Variants in ATG7 observed in about 807,000 individuals in gnomAD.
ATG7 encodes autophagy related 7.
ATG7 carries 70 observed loss-of-function variants against 82.4 expected under a neutral mutation model. That is an observed-to-expected ratio of 0.85 (90% confidence interval 0.70 to 1.04). The LOEUF (loss-of-function observed/expected upper bound fraction) is 1.04. ATG7 is among the 50% of genes least tolerant of loss of function. ATG7 has a pLI of 0.00. For synonymous variants in ATG7, 287 were observed against 313.0 expected, an observed-to-expected ratio of 0.92 and a Z score of 0.88; for missense variants, 792 against 864.3, an observed-to-expected ratio of 0.92 and a Z score of 1.05.
intron 2 of ATG7, 136 bp downstream of exon 2, chr3:11,281,238 A>C (rs1165771956): frequency 6.6e-6 from 1 of 152,260 alleles, no homozygotes; most frequent in Non-Finnish European, 1.5e-5. Flanking sequence ...GGTTCCATTT[A>C]TATCATAGGT....
intron 19 of ATG7, among the ~76,000 whole-genome samples, chr3:11,389,837 A>T (rs531030444): frequency 6.6e-6 from 1 of 152,280 alleles, no homozygotes; most frequent in South Asian, 2.1e-4. Flanking sequence ...TTGACTCTGG[A>T]TTCACTGAAG....
At chr3:11,387,744 G>A (rs1015026563) in intron 19 of ATG7, among the ~76,000 whole-genome samples, 2 of 152,176 alleles carry the variant, frequency 1.3e-5, no homozygotes, top group African/African-American at 4.8e-5. Context: ...GCTGAGGCAG[G>A]CGGATCACGA....
chr3:11,330,699 G>A (rs1951523142), intron 9 of ATG7, among the ~76,000 whole-genome samples: 1 of 152,266 alleles, frequency 6.6e-6, no homozygotes. Flanking sequence ...GACAGAAAAT[G>A]AAAAATGTTA....
At chr3:11,307,832 G>C (rs976376032) in intron 6 of ATG7, among the ~76,000 whole-genome samples, 5 of 152,192 alleles carry the variant, frequency 3.3e-5, no homozygotes, top group African/African-American at 1.2e-4. Context: ...TGGGTGCAGT[G>C]GTCAGGTCCT....
chr3:11,454,074 C>T (rs1190877938), intron 20 of ATG7, among the ~76,000 whole-genome samples: 1 of 152,194 alleles, frequency 6.6e-6, no homozygotes, highest in African/African-American at 2.4e-5. Flanking sequence ...GTCTGGCTAG[C>T]AGGTCTGACC....
intron 9 of ATG7, among the ~76,000 whole-genome samples, chr3:11,321,825 T>C (rs1272634088): frequency 6.6e-6 from 1 of 152,208 alleles, no homozygotes; most frequent in African/African-American, 2.4e-5. Flanking sequence ...CACTATATTT[T>C]CTTAGAATGT....
chr3:11,320,172 C>T (rs1374085239), intron 9 of ATG7, among the ~76,000 whole-genome samples: 1 of 152,202 alleles, frequency 6.6e-6, no homozygotes, highest in African/African-American at 2.4e-5. Flanking sequence ...CCCCTCCCTC[C>T]CCCTACCTCC....
intron 5 of ATG7, among the ~76,000 whole-genome samples, chr3:11,304,898 C>T (rs986083899): frequency 6.6e-6 from 1 of 152,050 alleles, no homozygotes; most frequent in Non-Finnish European, 1.5e-5. Flanking sequence ...TAAAGGGGTA[C>T]GATTCAGTGG....
chr3:11,321,075 G>A (rs535809479), intron 9 of ATG7, among the ~76,000 whole-genome samples: 3 of 152,318 alleles, frequency 2.0e-5, no homozygotes, highest in South Asian at 2.1e-4. Flanking sequence ...GTGCAGATGC[G>A]TAATGTCTGG....
At chr3:11,442,539 T>C (rs1244353547) in intron 20 of ATG7, among the ~76,000 whole-genome samples, 1 of 151,964 alleles carries the variant, frequency 6.6e-6, no homozygotes. Flanking sequence ...TAATGTGTAT[T>C]AAATGGATAT....
chr3:11,417,371 G>A (rs775884021), intron 19 of ATG7, among the ~76,000 whole-genome samples: 5 of 152,082 alleles, frequency 3.3e-5, no homozygotes, highest in South Asian at 2.1e-4. Context: ...AAGTACATAC[G>A]CATTAAGAAC....
At chr3:11,394,114 C>G (rs932559341) in intron 19 of ATG7, among the ~76,000 whole-genome samples, 1 of 152,300 alleles carries the variant, frequency 6.6e-6, no homozygotes, top group Non-Finnish European at 1.5e-5. Context: ...ATTACAGGAA[C>G]TATAACTTGA....
chr3:11,302,581 G>A (rs886459129), intron 5 of ATG7, among the ~76,000 whole-genome samples: 1 of 152,164 alleles, frequency 6.6e-6, no homozygotes, highest in Non-Finnish European at 1.5e-5. Context: ...AGAAGTAGAA[G>A]GCAAATATTT....
chr3:11,477,765 C>T (rs536758579), intron 20 of ATG7, among the ~76,000 whole-genome samples: 50 of 152,188 alleles, frequency 3.3e-4, no homozygotes, highest in Non-Finnish European at 6.8e-4. Context: ...GGACTCAGGG[C>T]TAGGAACTGG....
chr3:11,454,480 G>A (rs1490056105), intron 20 of ATG7, among the ~76,000 whole-genome samples: 1 of 152,214 alleles, frequency 6.6e-6, no homozygotes, highest in African/African-American at 2.4e-5. Flanking sequence ...TGGAGAGCCA[G>A]TTTGAGTATG....
chr3:11,381,555 G>A lies in ATG7; in HGVS notation c.1956+1503G>A, dbSNP rs575083388. On this transcript the variant is annotated intron_variant, in intron 19 of 20. Transcript: ENST00000693202. Reference sequence around the variant, plus strand: ...TCACAAGCATACCATCTAACTGGGCGTTCCTTATACTTTAAAAGAGAATAG... The same window carrying A: ...TCACAAGCATACCATCTAACTGGGCATTCCTTATACTTTAAAAGAGAATAG... 5.1e-4 allele frequency among the ~76,000 whole-genome samples: 77 copies of A among 152,242 alleles called. No homozygotes were observed. In the South Asian group the frequency reaches 0.01, roughly 20 times the overall value.
chr3:11,506,248 T>C (rs1487478907), intron 20 of ATG7, among the ~76,000 whole-genome samples: 1 of 152,186 alleles, frequency 6.6e-6, no homozygotes, highest in Non-Finnish European at 1.5e-5. Flanking sequence ...TGTTTCTCCA[T>C]GTAACAGTCT....
Position 11,338,289 on chromosome 3 carries a change from G to A in ATG7, c.890-2356G>A, listed in dbSNP as rs573487034. Reference sequence around the variant, plus strand: ...ATGTTCCTGCAAAAGACATGATCTCGTTCTTTTTTTATGGCTGCATAGTAT... The same window carrying A: ...ATGTTCCTGCAAAAGACATGATCTCATTCTTTTTTTATGGCTGCATAGTAT... On this transcript the variant is annotated intron_variant, in intron 11 of 20. Transcript: ENST00000693202. Among the ~76,000 whole-genome samples, 23 of 152,182 alleles carry A rather than the reference G, an allele frequency of 1.5e-4. No individual in the cohort carries two copies. The South Asian group carries it at 3.5e-3, about 23-fold the overall frequency.
chr3:11,501,062 C>T (rs2091283404), intron 20 of ATG7, among the ~76,000 whole-genome samples: 2 of 152,182 alleles, frequency 1.3e-5, no homozygotes, highest in Non-Finnish European at 2.9e-5. Flanking sequence ...CAAGACCAAC[C>T]TGGGCAACAT....
Sources: allele counts gnomAD v4.1 joint callset (sites outside exome capture counted in the v4.1 genomes callset), GRCh38; gene constraint gnomAD v4.1.1; transcripts MANE v1.5; gene names NCBI Gene and HGNC (gene_info 2026-07-23, HGNC 2026-07-21).